The following VSNL1 variants were observed in gnomAD, a reference collection of about 807,000 sequenced individuals.
VSNL1 encodes visinin like 1.
A neutral mutation model predicts 20.4 loss-of-function variants in VSNL1; 6 were observed. The ratio of observed to expected loss-of-function variants is 0.29; its 90% CI spans 0.16 to 0.58. The LOEUF is 0.58. VSNL1 is among the 20% of genes least tolerant of loss of function. The pLI is 0.90. For synonymous variants in VSNL1, 93 were observed against 86.4 expected (o/e 1.08, Z -0.42); for missense variants, 100 against 234.5 (o/e 0.43, Z 3.75).
intron 1 of VSNL1, among the ~76,000 whole-genome samples, chr2:17,569,200 G>A (rs1664024351): frequency 6.6e-6 from 1 of 151,800 alleles, no homozygotes; most frequent in African/African-American, 2.4e-5. Context: ...CCAGCTACTC[G>A]GGTGGCTGAG....
intron 1 of VSNL1, among the ~76,000 whole-genome samples, chr2:17,573,738 ATTGACT>A (rs943511614): frequency 4.6e-5 from 7 of 152,198 alleles, no homozygotes; most frequent in African/African-American, 1.7e-4. Context: ...GTTTTTGTTG[ATTGACT>A]TTGGGTAAAA....
At chr2:17,587,924 A>C (rs1410716937) in intron 1 of VSNL1, among the ~76,000 whole-genome samples, 2 of 152,244 alleles carry the variant, frequency 1.3e-5, no homozygotes, top group East Asian at 3.8e-4. Flanking sequence ...ATTAGTGTAC[A>C]AAAGTGCCAT....
At chr2:17,552,291 T>G (rs1663562930) in intron 1 of VSNL1, among the ~76,000 whole-genome samples, 1 of 151,858 alleles carries the variant, frequency 6.6e-6, no homozygotes, top group East Asian at 1.9e-4. Context: ...CTTTTAGAGG[T>G]AAGTGTCTGC....
chr2:17,576,840 C>CTGGTATGAA (rs145300566), intron 1 of VSNL1, among the ~76,000 whole-genome samples: 5,017 of 152,240 alleles, frequency 0.033, 83 homozygotes, highest in East Asian at 0.097. Flanking sequence ...TGTGTTTACT[C>CTGGTATGAA]TTTTCTATTC....
intron 1 of VSNL1, among the ~76,000 whole-genome samples, chr2:17,570,442 A>T (rs888606701): frequency 6.6e-6 from 1 of 152,220 alleles, no homozygotes; most frequent in Non-Finnish European, 1.5e-5. Context: ...GAAAATTTAA[A>T]TATTAAATCT....
chr2:17,555,218 T>C (rs892229010), intron 1 of VSNL1, among the ~76,000 whole-genome samples: 4 of 152,146 alleles, frequency 2.6e-5, no homozygotes, highest in African/African-American at 9.7e-5. Flanking sequence ...TTGAGGAAAA[T>C]TCACCTAAAC....
intron 2 of VSNL1, among the ~76,000 whole-genome samples, chr2:17,593,605 G>T (rs1664644720): frequency 6.6e-6 from 1 of 152,146 alleles, no homozygotes; most frequent in African/African-American, 2.4e-5. Context: ...CATAACTGTT[G>T]CAAGTGTTTA....
chr2:17,606,210 G>A (rs772766647), intron 2 of VSNL1, among the ~76,000 whole-genome samples: 2 of 152,206 alleles, frequency 1.3e-5, no homozygotes, highest in Non-Finnish European at 2.9e-5. Context: ...TGGTTTGTGT[G>A]CTTTCCTTTC....
intron 1 of VSNL1, among the ~76,000 whole-genome samples, chr2:17,572,140 C>T (rs1037599232): frequency 6.6e-6 from 1 of 152,126 alleles, no homozygotes; most frequent in African/African-American, 2.4e-5. Context: ...TCCTTTCACT[C>T]TCAAAGTATG....
At chr2:17,611,243 AC>A (rs1665078289) in intron 2 of VSNL1, among the ~76,000 whole-genome samples, 1 of 152,242 alleles carries the variant, frequency 6.6e-6, no homozygotes, top group Non-Finnish European at 1.5e-5. Context: ...CAATCGAGGC[AC>A]AAGGAGAGGA....
intron 2 of VSNL1, among the ~76,000 whole-genome samples, chr2:17,641,200 T>C (rs184303857): frequency 6.6e-6 from 1 of 152,188 alleles, no homozygotes; most frequent in African/African-American, 2.4e-5. Context: ...CTGGAGGAGG[T>C]AGGGAGATCA....
chr2:17,564,789 C>T (rs1466091130), intron 1 of VSNL1, among the ~76,000 whole-genome samples: 1 of 152,076 alleles, frequency 6.6e-6, no homozygotes, highest in East Asian at 1.9e-4. Context: ...CTAATGGAGT[C>T]GGACAAGTAA....
intron 1 of VSNL1, among the ~76,000 whole-genome samples, chr2:17,555,884 A>G (rs562554453): frequency 1.3e-5 from 2 of 152,328 alleles, no homozygotes; most frequent in African/African-American, 4.8e-5. Flanking sequence ...CTTCTGCTAT[A>G]TGCCAGAAAT....
intron 2 of VSNL1, among the ~76,000 whole-genome samples, chr2:17,615,748 C>T (rs1444707307): frequency 6.6e-6 from 1 of 152,198 alleles, no homozygotes; most frequent in Non-Finnish European, 1.5e-5. Flanking sequence ...CTTCACATTA[C>T]CATTCAAGTC....
intron 3 of VSNL1, among the ~76,000 whole-genome samples, chr2:17,651,940 T>C (rs1666131410): frequency 1.3e-5 from 2 of 152,242 alleles, no homozygotes; most frequent in Admixed American, 1.3e-4. Flanking sequence ...GTAAGTTATA[T>C]GTAAATTAGC....
At chr2:17,605,130 T>C (rs1204799780) in intron 2 of VSNL1, among the ~76,000 whole-genome samples, 1 of 152,240 alleles carries the variant, frequency 6.6e-6, no homozygotes, top group Non-Finnish European at 1.5e-5. Flanking sequence ...ATATCTACTT[T>C]ACAAGTGTCT....
chr2:17,632,171 G>A (rs528141440), intron 2 of VSNL1, among the ~76,000 whole-genome samples: 2 of 152,078 alleles, frequency 1.3e-5, no homozygotes, highest in South Asian at 4.2e-4. Flanking sequence ...ACCTGGCCAG[G>A]TAAGGTTTTT....
rs377654015 is a variant in VSNL1 at position 17,580,140 on chromosome 2, C to T, written c.-5-11930C>T. 3.3e-4 allele frequency among the ~76,000 whole-genome samples: 50 copies of T among 152,228 alleles called. No homozygotes were observed. In the South Asian group the frequency reaches 9.3e-3, roughly 28 times the overall value. ...GCTTTGTAAATGCTAAAGCACTATC[C>T]ACTGTTCATTACAATGACTCATATT... is the stretch of plus-strand genomic sequence containing the variant. On this transcript the variant is annotated intron_variant, in intron 1 of 3. Coordinates refer to ENST00000295156, the MANE Select transcript of VSNL1 (RefSeq NM_003385.5).
chr2:17,558,008 C>G (rs940499104), intron 1 of VSNL1, among the ~76,000 whole-genome samples: 2 of 152,100 alleles, frequency 1.3e-5, no homozygotes, highest in African/African-American at 4.8e-5. Flanking sequence ...CTGGGGCACA[C>G]AGAACCAAAC....
Sources: allele counts gnomAD v4.1 joint callset (sites outside exome capture counted in the v4.1 genomes callset), GRCh38; gene constraint gnomAD v4.1.1; transcripts MANE v1.5; gene names NCBI Gene and HGNC (gene_info 2026-07-23, HGNC 2026-07-21).